Variants in HEMK2 observed in about 807,000 individuals in gnomAD.
HEMK2 encodes HemK methyltransferase 2, ETF1 glutamine and histone H4 lysine.
At chr21:28,598,406 TCTC>T in the HEMK2 span, among the ~76,000 whole-genome samples, 2 of 152,106 alleles carry the variant, frequency 1.3e-5, no homozygotes, top group Non-Finnish European at 2.9e-5. Flanking sequence ...TTGTGATAAA[TCTC>T]CAAAAATAAC....
At chr21:28,806,731 T>C in the HEMK2 span, among the ~76,000 whole-genome samples, 1 of 152,052 alleles carries the variant, frequency 6.6e-6, no homozygotes, top group South Asian at 2.1e-4. Flanking sequence ...AGGGAGAAGA[T>C]GGACGAATGA....
At chr21:28,860,480 T>C in the HEMK2 span, among the ~76,000 whole-genome samples, 5 of 148,828 alleles carry the variant, frequency 3.4e-5, no homozygotes, top group Non-Finnish European at 7.4e-5. Context: ...ACATATATAA[T>C]ACATATATAA....
chr21:28,730,870 C>T, the HEMK2 span, among the ~76,000 whole-genome samples: 1 of 152,068 alleles, frequency 6.6e-6, no homozygotes, highest in African/African-American at 2.4e-5. Flanking sequence ...AGAGATTATA[C>T]ATGTGTGTGA....
the HEMK2 span, chr21:28,878,064 TGTCA>T: frequency 1.3e-6 from 1 of 754,900 alleles, no homozygotes; most frequent in Non-Finnish European, 2.0e-6. Context: ...TATTAGCTAC[TGTCA>T]GTGATTAACT....
At chr21:28,795,819 A>T in the HEMK2 span, among the ~76,000 whole-genome samples, 1 of 152,218 alleles carries the variant, frequency 6.6e-6, no homozygotes, top group Non-Finnish European at 1.5e-5. Context: ...ACAATTTTGT[A>T]ATTATCAGGT....
At chr21:28,773,951 G>C in the HEMK2 span, among the ~76,000 whole-genome samples, 1 of 152,084 alleles carries the variant, frequency 6.6e-6, no homozygotes, top group African/African-American at 2.4e-5. Context: ...TTTTCACAAA[G>C]GAGGAAATAA....
At chr21:28,775,662 G>A in the HEMK2 span, among the ~76,000 whole-genome samples, 1 of 152,116 alleles carries the variant, frequency 6.6e-6, no homozygotes, top group Non-Finnish European at 1.5e-5. Context: ...ATTCTTCTGA[G>A]AAGTTCAACA....
the HEMK2 span, among the ~76,000 whole-genome samples, chr21:28,861,821 C>T: frequency 6.6e-6 from 1 of 152,174 alleles, no homozygotes; most frequent in African/African-American, 2.4e-5. Flanking sequence ...GTCCAGGAAT[C>T]AAGGGGTGGA....
chr21:28,794,875 G>A, the HEMK2 span, among the ~76,000 whole-genome samples: 2 of 152,152 alleles, frequency 1.3e-5, no homozygotes, highest in South Asian at 4.1e-4. Context: ...GTATGCTCAT[G>A]GGATGGTTCC....
chr21:28,670,227 T>C, the HEMK2 span, among the ~76,000 whole-genome samples: 4 of 152,264 alleles, frequency 2.6e-5, no homozygotes, highest in South Asian at 2.1e-4. Flanking sequence ...TTAAACTAAA[T>C]ACAGAATTTA....
the HEMK2 span, among the ~76,000 whole-genome samples, chr21:28,835,436 A>G: frequency 6.6e-6 from 1 of 152,186 alleles, no homozygotes; most frequent in South Asian, 2.1e-4. Context: ...ATCCATAGGA[A>G]AAGGGGGAGA....
chr21:28,885,327 C>T, the HEMK2 span: 74 of 1,581,958 alleles, frequency 4.7e-5, no homozygotes, highest in East Asian at 1.7e-3. Flanking sequence ...AACGGCGTAG[C>T]GAAGTTCTCC....
At chr21:28,626,331 A>G in the HEMK2 span, among the ~76,000 whole-genome samples, 6 of 152,216 alleles carry the variant, frequency 3.9e-5, no homozygotes, top group African/African-American at 1.4e-4. Flanking sequence ...TTTTAGGGCT[A>G]GAACAACTAC....
chr21:28,630,106 A>G, the HEMK2 span, among the ~76,000 whole-genome samples: 1 of 152,234 alleles, frequency 6.6e-6, no homozygotes, highest in Admixed American at 6.5e-5. Flanking sequence ...CAATGTTAAT[A>G]AAAGGATAAA....
chr21:28,612,713 A>G, the HEMK2 span, among the ~76,000 whole-genome samples: 2 of 152,210 alleles, frequency 1.3e-5, no homozygotes, highest in South Asian at 4.1e-4. Flanking sequence ...CCCAGAACTA[A>G]TAAAAGAATT....
the HEMK2 span, chr21:28,875,874 T>C: frequency 6.6e-6 from 1 of 152,294 alleles, no homozygotes; most frequent in African/African-American, 2.4e-5. Context: ...TTCCACTAAG[T>C]CTAATGTAGT....
the HEMK2 span, among the ~76,000 whole-genome samples, chr21:28,746,544 G>C: frequency 6.6e-6 from 1 of 152,064 alleles, no homozygotes; most frequent in Non-Finnish European, 1.5e-5. Flanking sequence ...ATATATGAGT[G>C]ATAAATGTAG....
the HEMK2 span, among the ~76,000 whole-genome samples, chr21:28,638,152 A>C: frequency 2.0e-5 from 3 of 152,360 alleles, no homozygotes; most frequent in East Asian, 3.9e-4. Flanking sequence ...CTCACAATCT[A>C]CTTAGAGGGT....
chr21:28,588,406 C>T, the HEMK2 span, among the ~76,000 whole-genome samples: 129,810 of 152,044 alleles, frequency 0.85, 56,394 homozygotes, highest in Non-Finnish European at 0.91. Flanking sequence ...TGTGACCCAA[C>T]CCACCTGATT....
Sources: allele counts gnomAD v4.1 joint callset (sites outside exome capture counted in the v4.1 genomes callset), GRCh38; gene constraint gnomAD v4.1.1; transcripts MANE v1.5; gene names NCBI Gene and HGNC (gene_info 2026-07-23, HGNC 2026-07-21).